Variants in LEPR observed in about 807,000 individuals in gnomAD.
LEPR encodes leptin receptor.
Under a neutral mutation model 114.7 loss-of-function variants are expected in LEPR, and 56 were observed. The ratio of observed to expected loss-of-function variants is 0.49; its 90% confidence interval spans 0.39 to 0.61. LEPR has a LOEUF of 0.61. LEPR is among the 20% of genes least tolerant of loss of function. The pLI is 0.00. For missense variants in LEPR, 1,202 were observed against 1,352.9 expected (o/e 0.89, Z 1.75); for synonymous variants, 443 against 461.4 (o/e 0.96, Z 0.51).
chr1:65,594,044 CTTCT>C (rs1315889902), intron 6 of LEPR, among the ~76,000 whole-genome samples: 1 of 151,608 alleles, frequency 6.6e-6, no homozygotes, highest in Non-Finnish European at 1.5e-5. Context: ...AAAGTATTTC[CTTCT>C]ATTTGAATAT....
At chr1:65,501,954 T>C (rs1648474712) in intron 2 of LEPR, among the ~76,000 whole-genome samples, 1 of 152,140 alleles carries the variant, frequency 6.6e-6, no homozygotes, top group South Asian at 2.1e-4. Flanking sequence ...TAAGAGTATT[T>C]AATAAGGTAA....
intron 2 of LEPR, among the ~76,000 whole-genome samples, chr1:65,459,785 T>C (rs540458792): frequency 6.6e-6 from 1 of 152,352 alleles, no homozygotes; most frequent in Admixed American, 6.5e-5. Context: ...TCAACATTAT[T>C]GGAGGTCCAC....
chr1:65,604,886 C>G lies in LEPR; in HGVS notation c.1404-152C>G, dbSNP rs1036788972. 16 of 807,998 alleles carry G rather than the reference C, an allele frequency of 2.0e-5. No homozygotes were observed. The African/African-American group carries it at 2.6e-4, about 13-fold the overall frequency. 50.1% of individuals were successfully genotyped at this position (807,998 alleles called of 1,614,324 possible). On this transcript the variant is annotated intron_variant, in intron 10 of 19. Transcript: ENST00000349533. ...CGAAATCCTGAACCATCTCCCATCC[C>G]CCATTAGTGGAAAAATTGTCTTCCA...
chr1:65,568,501 A>AGTGTGT lies in LEPR; in HGVS notation c.41-1952_41-1947dup, dbSNP rs35333524. Reference sequence around the variant, plus strand: ...GCTGCATAGTATTCCATGGTGTGTGAGTGTGTGTGTGTGTGTGTGTGTGTG... The same window carrying AGTGTGT: ...GCTGCATAGTATTCCATGGTGTGTGAGTGTGTGTGTGTGTGTGTGTGTGTGTGTGTG... On this transcript the variant is annotated intron_variant, in intron 3 of 19. Coordinates refer to ENST00000349533, the MANE Select transcript of LEPR (RefSeq NM_002303.6). Among the ~76,000 whole-genome samples, 527 of 148,166 alleles carry AGTGTGT rather than the reference A, an allele frequency of 3.6e-3. 4 individuals are homozygous for AGTGTGT. Among genetic ancestry groups the AGTGTGT allele is most frequent in the African/African-American group, 0.012 (479 of 40,194 alleles).
In LEPR at chr1:65,472,615, G is replaced by GACACACAC. The variant is rs77182938; in HGVS notation, c.-21+47263_-21+47270dup. 2.4e-3 allele frequency among the ~76,000 whole-genome samples: 325 copies of GACACACAC among 137,138 alleles called. 4 individuals are homozygous for GACACACAC. The highest frequency in any genetic ancestry group is 8.5e-3 in the African/African-American group (306 of 36,020). 90.0% of individuals were successfully genotyped at this position (137,138 alleles called of 152,430 possible). A position where few individuals can be genotyped will look rare whatever the true frequency, so the allele number is the denominator to read the frequency against. On this transcript the variant is annotated intron_variant, in intron 2 of 19. Coordinates refer to ENST00000349533, the MANE Select transcript of LEPR (RefSeq NM_002303.6). Reference sequence around the variant, plus strand: ...ATAATTAAATGAGTGTATATATATAGACACACACACACACACACACACACA... The same window carrying GACACACAC: ...ATAATTAAATGAGTGTATATATATAGACACACACACACACACACACACACACACACACA...
At chr1:65,480,540 A>G (rs554193417) in intron 2 of LEPR, among the ~76,000 whole-genome samples, 4 of 152,326 alleles carry the variant, frequency 2.6e-5, no homozygotes, top group African/African-American at 9.6e-5. Flanking sequence ...ATTTAAAAGG[A>G]AAATACAAAA....
chr1:65,552,377 A>G (rs1373180864), intron 2 of LEPR, among the ~76,000 whole-genome samples: 3 of 152,108 alleles, frequency 2.0e-5, no homozygotes, highest in Non-Finnish European at 4.4e-5. Context: ...TTGCTTTATG[A>G]GTCTGGGTGC....
At chr1:65,532,288 A>G (rs1295872544) in intron 2 of LEPR, among the ~76,000 whole-genome samples, 3 of 152,220 alleles carry the variant, frequency 2.0e-5, no homozygotes, top group Non-Finnish European at 2.9e-5. Context: ...AAACTCCATC[A>G]TTCTGTAACT....
At chr1:65,578,083 CT>C (rs1557674832) in intron 5 of LEPR, among the ~76,000 whole-genome samples, 1 of 151,168 alleles carries the variant, frequency 6.6e-6, no homozygotes, top group Non-Finnish European at 1.5e-5. Flanking sequence ...CTGTGTTAGT[CT>C]GCTGAGAATG....
At chr1:65,452,095 A>G (rs985522963) in intron 2 of LEPR, among the ~76,000 whole-genome samples, 5 of 152,048 alleles carry the variant, frequency 3.3e-5, no homozygotes, top group Non-Finnish European at 7.4e-5. Context: ...TTATTGGTGT[A>G]TAAGAATGCT....
intron 19 of LEPR, among the ~76,000 whole-genome samples, chr1:65,625,299 C>G (rs1369659933): frequency 1.3e-5 from 2 of 152,052 alleles, no homozygotes; most frequent in African/African-American, 4.8e-5. Flanking sequence ...AGCTTGTCTC[C>G]TTTTGCCTCT....
chr1:65,532,969 G>A (rs1650507267), intron 2 of LEPR, among the ~76,000 whole-genome samples: 1 of 152,146 alleles, frequency 6.6e-6, no homozygotes, highest in African/African-American at 2.4e-5. Flanking sequence ...TGCTATAAAA[G>A]AGTGAACTTT....
chr1:65,470,237 A>C (rs1647066523), intron 2 of LEPR, among the ~76,000 whole-genome samples: 1 of 152,232 alleles, frequency 6.6e-6, no homozygotes, highest in South Asian at 2.1e-4. Context: ...GGGCTGAAAT[A>C]ACTACTCCTA....
At chr1:65,627,841 T>C (rs1240939104) in intron 19 of LEPR, among the ~76,000 whole-genome samples, 1 of 152,206 alleles carries the variant, frequency 6.6e-6, no homozygotes, top group African/African-American at 2.4e-5. Context: ...ATAATTTCTA[T>C]ATCAAGTGTT....
chr1:65,624,674 T>A (rs1658092563), intron 19 of LEPR, among the ~76,000 whole-genome samples: 1 of 152,352 alleles, frequency 6.6e-6, no homozygotes, highest in Admixed American at 6.5e-5. Flanking sequence ...TAGAATGTTT[T>A]AAAATTCTAT....
intron 2 of LEPR, among the ~76,000 whole-genome samples, chr1:65,479,167 T>C (rs6698653): frequency 0.33 from 49,489 of 152,078 alleles, 10,303 homozygotes; most frequent in Non-Finnish European, 0.47. Context: ...ACTGTAATTT[T>C]ACAAATGGAA....
rs751719702 is a variant in LEPR at position 65,636,487 on chromosome 1, C to G, written c.2970C>G (p.Ile990Met). Residue 990 changes from isoleucine to methionine, a missense_variant, in exon 20 of 20, where the codon ATC (isoleucine) becomes ATG (methionine). By Grantham distance (10) the Ile-to-Met change is conservative. Transcript: ENST00000349533. ...CCTTTGTTAAATACGCCACGCTGATCAGCAACTCTAAACCAAGTGAAACTG... is the reference window on the plus strand; with the variant it reads ...CCTTTGTTAAATACGCCACGCTGATGAGCAACTCTAAACCAAGTGAAACTG... The part of the protein sequence containing the change: ...RQPFVKYATL[I>M]SNSKPSETGE... 1 of 1,614,054 alleles carries G rather than the reference C, an allele frequency of 6.2e-7. No individual in the cohort carries two copies. The highest frequency in any genetic ancestry group is 2.2e-5 in the East Asian group (1 of 44,880).
At chr1:65,540,503 C>T (rs968825867) in intron 2 of LEPR, among the ~76,000 whole-genome samples, 9 of 152,060 alleles carry the variant, frequency 5.9e-5, no homozygotes, top group African/African-American at 1.4e-4. Flanking sequence ...TCTCTTGCTC[C>T]CCCTTGCCAT....
At chr1:65,447,303 T>C (rs2100306960) in intron 2 of LEPR, among the ~76,000 whole-genome samples, 1 of 152,136 alleles carries the variant, frequency 6.6e-6, no homozygotes. Context: ...CCTCCCTCCT[T>C]CCTTTCCTTC....
Sources: gnomAD v4.1 joint callset for allele counts (sites outside exome capture counted in the v4.1 genomes callset) on GRCh38, gnomAD v4.1.1 for gene constraint, MANE v1.5 for transcripts, NCBI Gene and HGNC (gene_info 2026-07-23, HGNC 2026-07-21) for gene names.